The following HDAC4 variants were observed in gnomAD, a reference collection of about 807,000 sequenced individuals.
The protein encoded by HDAC4 is histone deacetylase 4.
In HDAC4, 16 loss-of-function variants were observed where a neutral mutation model predicts 135.1. That is an observed-to-expected ratio of 0.12 (90% CI 0.08 to 0.18). The LOEUF (loss-of-function observed/expected upper bound fraction) is 0.18, where lower values mean the gene tolerates loss of function less well. Ranked by LOEUF, HDAC4 falls within the 10% of genes least tolerant of loss-of-function variation. HDAC4 has a pLI of 1.00. For synonymous variants in HDAC4, 685 were observed against 653.4 expected (o/e 1.05, Z -0.74); for missense variants, 1,143 against 1,511.8 (o/e 0.76, Z 4.05).
intron 2 of HDAC4, among the ~76,000 whole-genome samples, chr2:239,284,298 T>C (rs1204104907): frequency 6.6e-6 from 1 of 152,166 alleles, no homozygotes; most frequent in Non-Finnish European, 1.5e-5. Flanking sequence ...TGGTTTGGGA[T>C]GCTGGGTGAG....
intron 2 of HDAC4, among the ~76,000 whole-genome samples, chr2:239,351,455 C>T (rs370857516): frequency 6.6e-6 from 1 of 152,208 alleles, no homozygotes; most frequent in East Asian, 1.9e-4. Flanking sequence ...AAAAGATACA[C>T]TCTCACCCAA....
intron 3 of HDAC4, among the ~76,000 whole-genome samples, chr2:239,195,370 A>G (rs1290198115): frequency 6.6e-6 from 1 of 152,184 alleles, no homozygotes; most frequent in East Asian, 1.9e-4. Context: ...TCAATAACAC[A>G]AATGGAGCGT....
At chr2:239,363,203 A>G (rs560404684) in intron 1 of HDAC4, among the ~76,000 whole-genome samples, 3 of 152,338 alleles carry the variant, frequency 2.0e-5, no homozygotes, top group South Asian at 2.1e-4. Flanking sequence ...GGAAACCCCA[A>G]TGAGATTCCG....
At chr2:239,224,468 C>T (rs903408332) in intron 3 of HDAC4, among the ~76,000 whole-genome samples, 4 of 152,218 alleles carry the variant, frequency 2.6e-5, no homozygotes, top group African/African-American at 9.6e-5. Flanking sequence ...ATGTCTCCCG[C>T]ACCGCCCACT....
At chr2:239,295,115 G>A (rs1443525286) in intron 2 of HDAC4, among the ~76,000 whole-genome samples, 2 of 151,646 alleles carry the variant, frequency 1.3e-5, no homozygotes, top group Non-Finnish European at 2.9e-5. Context: ...AGACCATCCC[G>A]GCTATAACGG....
chr2:239,096,855 G>C (rs1464148337), intron 16 of HDAC4, among the ~76,000 whole-genome samples: 1 of 152,016 alleles, frequency 6.6e-6, no homozygotes, highest in Non-Finnish European at 1.5e-5. Context: ...CTCTGTGGAG[G>C]TCACAGATCT....
At chr2:239,365,922 G>C (rs1694172566) in intron 1 of HDAC4, among the ~76,000 whole-genome samples, 1 of 151,906 alleles carries the variant, frequency 6.6e-6, no homozygotes, top group African/African-American at 2.4e-5. Context: ...AGGGTCGTCA[G>C]GGTCACGCGT....
At position 239,341,892 on chromosome 2, in the gene HDAC4, G is replaced by A. The variant is rs2125869452; in HGVS notation, c.22+10786C>T. ...TATTAAGAAGTGGGGCCTCTGGAGA[G>A]TGATTAAGTTATGGACTCTCAGGAA... On this transcript the variant is annotated intron_variant, in intron 2 of 26. Transcript: ENST00000543185. Among the ~76,000 whole-genome samples, 3 of 152,288 alleles carry A rather than the reference G, an allele frequency of 2.0e-5. No individual in the cohort carries two copies. In the East Asian group the frequency reaches 5.8e-4, roughly 29 times the overall value.
intron 22 of HDAC4, among the ~76,000 whole-genome samples, chr2:239,071,631 T>C (rs1009151492): frequency 2.0e-5 from 3 of 152,070 alleles, no homozygotes; most frequent in African/African-American, 7.2e-5. Context: ...CACCTCTGGC[T>C]CTCGGTAGCC....
In HDAC4 at chr2:239,134,416, T is replaced by G; in HGVS notation, c.1123A>C (p.Arg375=). 6.2e-7 allele frequency: 1 copy of G among 1,613,350 alleles called. No individual in the cohort carries two copies. The highest frequency in any genetic ancestry group is 8.5e-7 in the Non-Finnish European group (1 of 1,179,774). The part of the protein sequence containing the change: ...AGTAGQQDAE[R]LTLPALQQRL... Reference sequence around the variant, plus strand: ...TGCTGGAGGGCGGGAAGGGTGAGTCTCTCGGCGTCCTGCTGGCCCGCCGTG... The same window carrying G: ...TGCTGGAGGGCGGGAAGGGTGAGTCGCTCGGCGTCCTGCTGGCCCGCCGTG... The change falls in exon 11 of 27, where the codon AGA becomes CGA. Residue 375 remains arginine, a synonymous_variant. Transcript: ENST00000543185.
intron 5 of HDAC4, among the ~76,000 whole-genome samples, chr2:239,171,169 C>CAAAA (rs34204026): frequency 2.1e-3 from 241 of 114,338 alleles, no homozygotes; most frequent in African/African-American, 7.8e-3. Context: ...ACAATCTGAC[C>CAAAA]AAAAAAAAAA....
chr2:239,110,704 G>A (rs1333112153), intron 14 of HDAC4, among the ~76,000 whole-genome samples: 1 of 152,242 alleles, frequency 6.6e-6, no homozygotes, highest in African/African-American at 2.4e-5. Context: ...ATTTTTCTTA[G>A]TGCGTCATTA....
Position 239,068,514 on chromosome 2 carries a change from A to T in HDAC4, c.2844T>A (p.Leu948=). The T allele has an allele frequency of 6.2e-7, 1 of 1,613,810 alleles. No homozygotes were observed. Among genetic ancestry groups the T allele is most frequent in the Non-Finnish European group, 8.5e-7 (1 of 1,179,856 alleles). Residue 948 remains leucine (L), a synonymous_variant, in exon 23 of 27, where the codon CTT becomes CTA. Coordinates refer to ENST00000543185, the MANE Select transcript of HDAC4 (RefSeq NM_001378414.1). This position sits in a 1 kb window ranked among gnomAD's most constrained non-coding sequence, Gnocchi z 4.4. The stretch of plus-strand genomic sequence containing the variant: ...ATCTGGCGGAGAGGTTGTAGCCCCC[A>T]AGAGGGGTGGGGTGGCCCTCCACGG... ...FDAVEGHPTP[L]GGYNLSARCF...
rs571857047 is a variant in HDAC4 at position 239,322,772 on chromosome 2, G to A, written c.22+29906C>T. On this transcript the variant is annotated intron_variant, in intron 2 of 26. Coordinates refer to ENST00000543185, the MANE Select transcript of HDAC4 (RefSeq NM_001378414.1). ...CATCCTGCCCGGGTGTGGGTAGCCT[G>A]GGTCTGTCACTCGGCCCCACACCCG... 3.3e-5 allele frequency among the ~76,000 whole-genome samples: 5 copies of A among 152,206 alleles called. No individual in the cohort carries two copies. The East Asian group carries it at 9.7e-4, about 30-fold the overall frequency.
chr2:239,063,257 G>A (rs2033030768), intron 24 of HDAC4, among the ~76,000 whole-genome samples: 3 of 151,904 alleles, frequency 2.0e-5, no homozygotes, highest in Non-Finnish European at 4.4e-5. Context: ...CTGGAGTGTG[G>A]TGGCGCGATC....
At chr2:239,276,787 A>G (rs2050394485) in intron 2 of HDAC4, among the ~76,000 whole-genome samples, 1 of 152,254 alleles carries the variant, frequency 6.6e-6, no homozygotes, top group African/African-American at 2.4e-5. Flanking sequence ...AGGCGAGGCA[A>G]GACGGCAGAG....
chr2:239,093,184 G>C (rs1369843459), intron 17 of HDAC4, among the ~76,000 whole-genome samples: 1 of 152,214 alleles, frequency 6.6e-6, no homozygotes, highest in Non-Finnish European at 1.5e-5. Flanking sequence ...TTGAAAAAGA[G>C]GTCAAAGCAC....
At position 239,285,539 on chromosome 2, in the gene HDAC4, T is replaced by C. The variant is rs2051090880; in HGVS notation, c.23-48875A>G. 1.3e-5 allele frequency among the ~76,000 whole-genome samples: 2 copies of C among 152,078 alleles called. No homozygotes were observed. The highest frequency in any genetic ancestry group is 4.8e-5 in the African/African-American group (2 of 41,412). On this transcript the variant is annotated intron_variant, in intron 2 of 26. Coordinates refer to ENST00000543185, the MANE Select transcript of HDAC4 (RefSeq NM_001378414.1). The surrounding 1 kb of genome is among the most constrained non-coding windows in gnomAD (Gnocchi z 4.5). ...CCAGCTGGTGGGGAGAAAACGAAGC[T>C]GGGTAAAAGGGGCTGAGAGAAAGCT...
At chr2:239,073,562 G>C (rs1269348143) in intron 22 of HDAC4, among the ~76,000 whole-genome samples, 1 of 152,270 alleles carries the variant, frequency 6.6e-6, no homozygotes, top group South Asian at 2.1e-4. Context: ...CCACCAGCTG[G>C]AGTTGCCCAA....
Sources: gnomAD v4.1 joint callset for allele counts (sites outside exome capture counted in the v4.1 genomes callset) on GRCh38, gnomAD v4.1.1 for gene constraint, Gnocchi (gnomAD v3.1) non-coding constraint, MANE v1.5 for transcripts, NCBI Gene and HGNC (gene_info 2026-07-23, HGNC 2026-07-21) for gene names.